Variants in ACOD1 observed in about 807,000 individuals in gnomAD.
The protein encoded by ACOD1 is aconitate decarboxylase 1, also known as cis-aconitate decarboxylase.
Under a neutral mutation model 14.2 loss-of-function variants are expected in ACOD1, and 14 were observed. The ratio of observed to expected loss-of-function variants is 0.99; its 90% CI spans 0.65 to 1.54. The LOEUF (loss-of-function observed/expected upper bound fraction) is 1.54. Ranked by LOEUF, ACOD1 falls within the 40% of genes most tolerant of loss-of-function variation. The pLI is 0.00. For synonymous variants in ACOD1, 182 were observed against 221.7 expected (o/e 0.82, Z 1.59); for missense variants, 530 against 586.3 (o/e 0.90, Z 0.99).
rs2033900702 is a variant in ACOD1, at chr13:76,958,231, A to T, written c.*246A>T. 1 of 410,856 alleles carries T rather than the reference A, an allele frequency of 2.4e-6. No homozygotes were observed. 25.5% of individuals were successfully genotyped at this position (410,856 alleles called of 1,614,324 possible). On this transcript the variant is annotated 3_prime_UTR_variant, in exon 5 of 5. Transcript: ENST00000377462. ...TAAGCATTCACAAGGGTGAAATTCA[A>T]CTCACCTGTGATTTACTTATAAAAT...
At chr13:76,955,144 A>AG (rs2033861804) in intron 3 of ACOD1, among the ~76,000 whole-genome samples, 175 bp from the exon 4 acceptor site, 1 of 150,334 alleles carries the variant, frequency 6.7e-6, no homozygotes, top group African/African-American at 2.4e-5. Flanking sequence ...AAAAAAAAAA[A>AG]AAAAAAAAGA....
chr13:76,954,176 G>A (rs2033849935), intron 3 of ACOD1, among the ~76,000 whole-genome samples: 1 of 152,104 alleles, frequency 6.6e-6, no homozygotes, highest in African/African-American at 2.4e-5. Context: ...TGATTTTTAT[G>A]CTTTTTCTGT....
chr13:76,954,618 T>C (rs931359808), intron 3 of ACOD1, among the ~76,000 whole-genome samples: 13 of 152,144 alleles, frequency 8.5e-5, no homozygotes, highest in African/African-American at 2.9e-4. Flanking sequence ...AAACTTGCAG[T>C]GCAACTTATT....
intron 3 of ACOD1, 34 bp from the exon 4 acceptor site, chr13:76,955,285 G>C (rs1276531618): frequency 6.5e-7 from 1 of 1,533,240 alleles, no homozygotes; most frequent in African/African-American, 1.4e-5. Flanking sequence ...GAAAATTTAA[G>C]GCTTTTTGTT....
At chr13:76,956,749 A>T (rs2033879895) in intron 4 of ACOD1, among the ~76,000 whole-genome samples, 1 of 151,860 alleles carries the variant, frequency 6.6e-6, no homozygotes, top group South Asian at 2.1e-4. Flanking sequence ...CTGACCTCAG[A>T]TGACCCTCCC....
intron 1 of ACOD1, among the ~76,000 whole-genome samples, chr13:76,949,131 G>A (rs987695866): frequency 1.3e-5 from 2 of 152,114 alleles, no homozygotes; most frequent in African/African-American, 4.8e-5. Context: ...GCTGGGCGTG[G>A]TGGCAGGCGC....
At chr13:76,956,732 C>T (rs370193422) in intron 4 of ACOD1, among the ~76,000 whole-genome samples, 18 of 152,290 alleles carry the variant, frequency 1.2e-4, no homozygotes, top group African/African-American at 4.3e-4. Context: ...AACCTAGTCT[C>T]AAACTCCTGA....
intron 1 of ACOD1, among the ~76,000 whole-genome samples, chr13:76,952,196 T>C (rs899082507): frequency 2.0e-5 from 3 of 151,998 alleles, no homozygotes; most frequent in Non-Finnish European, 4.4e-5. Context: ...TCTCTGTGCT[T>C]CCCTCCACCA....
At chr13:76,954,369 A>G (rs1033836765) in intron 3 of ACOD1, among the ~76,000 whole-genome samples, 2 of 152,246 alleles carry the variant, frequency 1.3e-5, no homozygotes, top group African/African-American at 4.8e-5. Context: ...AGATATAAAA[A>G]TCTATTTTTA....
rs1220241977 is a variant in ACOD1, at chr13:76,957,993, C to G, written c.*8C>G. ...ATCACAAATCTCTCCTGAGGCTTAC[C>G]AACATCTAAATGACTTTGCATTTGG... On this transcript the variant is annotated 3_prime_UTR_variant, in exon 5 of 5. Coordinates refer to ENST00000377462, the MANE Select transcript of ACOD1 (RefSeq NM_001258406.2). The G allele has an allele frequency of 3.3e-6, 5 of 1,499,632 alleles. No individual in the cohort carries two copies. In the African/African-American group the frequency reaches 7.0e-5, roughly 21 times the overall value. 92.9% of individuals were successfully genotyped at this position (1,499,632 alleles called of 1,614,324 possible). A position where few individuals can be genotyped will look rare whatever the true frequency, so the allele number is the denominator to read the frequency against.
Position 76,957,278 on chromosome 13 carries a change from G to T in ACOD1, c.739G>T (p.Ala247Ser). The T allele has an allele frequency of 1.3e-6, 2 of 1,550,614 alleles. No homozygotes were observed. The highest frequency in any genetic ancestry group is 8.7e-7 in the Non-Finnish European group (1 of 1,147,012). The change falls in exon 5 of 5, where the codon GCC becomes TCC. Residue 247 changes from alanine to serine, a missense_variant. Transcript: ENST00000377462. Reference protein sequence around the residue: ...DLEAGFGAFYANYSPKVLPSI... With the variant: ...DLEAGFGAFYSNYSPKVLPSI... ...GGAGGCAGGATTTGGGGCCTTTTAT[G>T]CCAACTATTCCCCAAAAGTCCTTCC...
intron 1 of ACOD1, among the ~76,000 whole-genome samples, chr13:76,949,286 T>C (rs1232679821): frequency 2.0e-5 from 3 of 151,814 alleles, no homozygotes; most frequent in Non-Finnish European, 2.9e-5. Context: ...AATTGTGAAA[T>C]TGATTTGTTC....
At chr13:76,949,315 T>A (rs1347430010) in intron 1 of ACOD1, among the ~76,000 whole-genome samples, 12 of 152,276 alleles carry the variant, frequency 7.9e-5, no homozygotes, top group African/African-American at 2.2e-4. Flanking sequence ...TATGTTATTC[T>A]TTAACTTAAA....
chr13:76,953,735 AT>A, intron 3 of ACOD1, 46 bp downstream of exon 3: 1 of 1,158,804 alleles, frequency 8.6e-7, no homozygotes, highest in Non-Finnish European at 1.3e-6. Context: ...AATCATAATA[AT>A]TTTAGAGTCA....
At chr13:76,956,454 C>A (rs9573958) in intron 4 of ACOD1, among the ~76,000 whole-genome samples, 11,030 of 152,226 alleles carry the variant, frequency 0.072, 552 homozygotes, top group Admixed American at 0.14. Context: ...CCTGCCTCAG[C>A]CTCCCAAAGT....
At chr13:76,949,771 TAG>T (rs1163842021) in intron 1 of ACOD1, among the ~76,000 whole-genome samples, 5 of 152,316 alleles carry the variant, frequency 3.3e-5, no homozygotes, top group African/African-American at 1.2e-4. Flanking sequence ...TAGTTTTGCT[TAG>T]AGTCAGGGAT....
Position 76,958,260 on chromosome 13 carries a change from T to A in ACOD1, c.*275T>A. 3.0e-6 allele frequency: 1 copy of A among 336,658 alleles called. No homozygotes were observed. Among genetic ancestry groups the A allele is most frequent in the Non-Finnish European group, 5.4e-6 (1 of 183,920 alleles). 20.9% of individuals were successfully genotyped at this position (336,658 alleles called of 1,614,324 possible). On this transcript the variant is annotated 3_prime_UTR_variant, in exon 5 of 5. Transcript: ENST00000377462. The stretch of plus-strand genomic sequence containing the variant: ...ACCTGTGATTTACTTATAAAATTAA[T>A]CTCTTCATAGGAATTATGTGTGGAC...
chr13:76,949,520 T>C (rs1367932549), intron 1 of ACOD1, among the ~76,000 whole-genome samples: 2 of 152,122 alleles, frequency 1.3e-5, no homozygotes, highest in African/African-American at 2.4e-5. Flanking sequence ...TGTTCAGGAC[T>C]TCCAGAGGAT....
At position 76,957,299 on chromosome 13, in the gene ACOD1, C is replaced by T. The variant is rs756314423; in HGVS notation, c.760C>T (p.Leu254Phe). 2.4e-4 allele frequency: 370 copies of T among 1,550,518 alleles called. No individual in the cohort carries two copies. Among genetic ancestry groups the T allele is most frequent in the Non-Finnish European group, 3.1e-4 (352 of 1,147,010 alleles). The change falls in exon 5 of 5, where the codon CTT becomes TTT. Residue 254 changes from leucine (L) to phenylalanine (F), a missense_variant. Leu to Phe is a conservative substitution (Grantham distance 22). Transcript: ENST00000377462. ...AFYANYSPKV[L>F]PSIASYSWLL... is the part of the protein sequence containing the mutation. ...TTATGCCAACTATTCCCCAAAAGTCCTTCCAAGCATAGCTTCCTACAGTTG... is the reference window on the plus strand; with the variant it reads ...TTATGCCAACTATTCCCCAAAAGTCTTTCCAAGCATAGCTTCCTACAGTTG...
Sources: gnomAD v4.1 joint callset for allele counts (sites outside exome capture counted in the v4.1 genomes callset) on GRCh38, gnomAD v4.1.1 for gene constraint, MANE v1.5 for transcripts, NCBI Gene and HGNC (gene_info 2026-07-23, HGNC 2026-07-21) for gene names.